Variants in RSF1 observed in about 807,000 individuals in gnomAD.
The protein encoded by RSF1 is HBV pX-associated protein 8.
RSF1 carries 13 observed loss-of-function variants against 145.2 expected under a neutral mutation model. That is an observed-to-expected ratio of 0.09 (90% CI 0.06 to 0.14). The LOEUF (loss-of-function observed/expected upper bound fraction) is 0.14. Among genes scored for constraint, RSF1 ranks in the 10% least tolerant of loss-of-function variants. The pLI, the probability that RSF1 is intolerant of heterozygous loss-of-function variation, is 1.00. For synonymous variants in RSF1, 577 were observed against 592.6 expected, an observed-to-expected ratio of 0.97 and a Z score of 0.38; for missense variants, 1,517 against 1,718.2, an observed-to-expected ratio of 0.88 and a Z score of 2.07.
At chr11:77,803,833 G>A (rs942319602) in intron 1 of RSF1, among the ~76,000 whole-genome samples, 13 of 150,928 alleles carry the variant, frequency 8.6e-5, no homozygotes, top group African/African-American at 1.5e-4. Context: ...TAATCCTAGC[G>A]CTTTGGGAGG....
rs1035775156 is a variant in RSF1, at chr11:77,753,695, C to T, written c.280-6567G>A. On this transcript the variant is annotated intron_variant, in intron 2 of 15. Coordinates refer to ENST00000308488, the MANE Select transcript of RSF1 (RefSeq NM_016578.4). The stretch of plus-strand genomic sequence containing the variant: ...CCCACAGAAGCCAAAAGATTGGACT[C>T]CCCTGGTAGAGGTAAAGGATTGCCA... Among the ~76,000 whole-genome samples, 4 of 152,340 alleles carry T rather than the reference C, an allele frequency of 2.6e-5. No individual in the cohort carries two copies. In the East Asian group the frequency reaches 7.7e-4, roughly 29 times the overall value.
chr11:77,828,755 A>G, the RSF1 span, among the ~76,000 whole-genome samples: 2 of 152,184 alleles, frequency 1.3e-5, no homozygotes, highest in African/African-American at 4.8e-5. Context: ...ACACATATTC[A>G]TGGATTGGAA....
At chr11:77,858,765 CA>C in the RSF1 span, among the ~76,000 whole-genome samples, 7 of 152,178 alleles carry the variant, frequency 4.6e-5, no homozygotes, top group South Asian at 6.2e-4. Context: ...ATGTCATTAA[CA>C]TCAGAGCATG....
chr11:77,750,168 C>T (rs1948046963), intron 2 of RSF1, among the ~76,000 whole-genome samples: 1 of 150,316 alleles, frequency 6.7e-6, no homozygotes, highest in East Asian at 1.9e-4. Flanking sequence ...ACAAAATGAA[C>T]ACTGCAAATA....
chr11:77,792,228 T>C lies in RSF1; in HGVS notation c.188-27539A>G, dbSNP rs546321032. 3.9e-5 allele frequency among the ~76,000 whole-genome samples: 6 copies of C among 152,278 alleles called. No homozygotes were observed. The South Asian group carries it at 1.2e-3, about 32-fold the overall frequency. ...CAGATCTCATGAGACTTACTCATTA[T>C]CACGAGGACAGCACCAGAAAGACCT... On this transcript the variant is annotated intron_variant, in intron 1 of 15. Coordinates refer to ENST00000308488, the MANE Select transcript of RSF1 (RefSeq NM_016578.4).
intron 1 of RSF1, among the ~76,000 whole-genome samples, chr11:77,803,654 C>G (rs1232932052): frequency 6.6e-6 from 1 of 151,840 alleles, no homozygotes; most frequent in African/African-American, 2.4e-5. Flanking sequence ...TGGTGCGCAC[C>G]TGTAATCCCA....
At chr11:77,826,184 A>C in the RSF1 span, among the ~76,000 whole-genome samples, 1 of 152,112 alleles carries the variant, frequency 6.6e-6, no homozygotes, top group Non-Finnish European at 1.5e-5. Context: ...CAACATGGTG[A>C]AACTTCGTCT....
chr11:77,764,519 T>C (rs780989614), intron 2 of RSF1, 79 bp downstream of exon 2: 2 of 811,096 alleles, frequency 2.5e-6, no homozygotes, highest in Admixed American at 2.3e-5. Context: ...AAAAATTATG[T>C]GTATTATAAA....
chr11:77,669,336 C>A (rs1256606206), intron 15 of RSF1, among the ~76,000 whole-genome samples: 1 of 152,126 alleles, frequency 6.6e-6, no homozygotes, highest in African/African-American at 2.4e-5. Flanking sequence ...GCTACCACAG[C>A]AAATTAAAAT....
At chr11:77,703,452 C>G (rs911787279) in intron 5 of RSF1, 2 of 152,108 alleles carry the variant, frequency 1.3e-5, no homozygotes, top group Non-Finnish European at 2.9e-5. Context: ...TACTGAAAAA[C>G]CTAATTCTAA....
chr11:77,788,152 A>G (rs1948477803), intron 1 of RSF1, among the ~76,000 whole-genome samples: 1 of 126,426 alleles, frequency 7.9e-6, no homozygotes, highest in Non-Finnish European at 1.6e-5. Context: ...CAAAAAAAAA[A>G]AAAAAAAAAA....
chr11:77,743,719 C>T (rs983822729), intron 3 of RSF1, among the ~76,000 whole-genome samples: 1 of 152,010 alleles, frequency 6.6e-6, no homozygotes, highest in Non-Finnish European at 1.5e-5. Context: ...CTTTTTGTAC[C>T]TAACTGTTCT....
chr11:77,693,624 C>T lies in RSF1; in HGVS notation c.2716-13G>A, dbSNP rs979303889. Reference sequence around the variant, plus strand: ...CACACAGAAGAATCTGAAATAACCACACTGATGTCAACCTAACTATGACTA... The same window carrying T: ...CACACAGAAGAATCTGAAATAACCATACTGATGTCAACCTAACTATGACTA... On this transcript the variant is annotated splice_polypyrimidine_tract_variant and intron_variant, in intron 7 of 15. Coordinates refer to ENST00000308488, the MANE Select transcript of RSF1 (RefSeq NM_016578.4). The T allele has an allele frequency of 6.3e-7, 1 of 1,585,648 alleles. No individual in the cohort carries two copies. Among genetic ancestry groups the T allele is most frequent in the Middle Eastern group, 1.7e-4 (1 of 6,004 alleles).
At chr11:77,755,919 T>A (rs1948111211) in intron 2 of RSF1, among the ~76,000 whole-genome samples, 1 of 152,172 alleles carries the variant, frequency 6.6e-6, no homozygotes, top group East Asian at 1.9e-4. Flanking sequence ...CTCATATTCA[T>A]ATCCCTTGAC....
the RSF1 span, chr11:77,829,516 G>C: frequency 6.6e-6 from 1 of 152,162 alleles, no homozygotes; most frequent in African/African-American, 2.4e-5. Flanking sequence ...GGAAAGAATA[G>C]TTTTTGCAAC....
intron 4 of RSF1, among the ~76,000 whole-genome samples, chr11:77,736,785 A>G (rs564280714): frequency 6.6e-6 from 1 of 152,316 alleles, no homozygotes; most frequent in Middle Eastern, 3.4e-3. Flanking sequence ...TCTATTCTTT[A>G]CAAGTTGAGG....
intron 11 of RSF1, among the ~76,000 whole-genome samples, chr11:77,679,000 A>C (rs1300607851): frequency 2.0e-5 from 3 of 152,210 alleles, no homozygotes; most frequent in Non-Finnish European, 4.4e-5. Context: ...TGTCAGCAAA[A>C]ATTTTTATAA....
At chr11:77,809,312 C>CAGGCATTTA (rs1948709006) in intron 1 of RSF1, among the ~76,000 whole-genome samples, 1 of 152,166 alleles carries the variant, frequency 6.6e-6, no homozygotes, top group Non-Finnish European at 1.5e-5. Flanking sequence ...AGTACTACTA[C>CAGGCATTTA]AGGCATTTAA....
intron 1 of RSF1, among the ~76,000 whole-genome samples, chr11:77,820,048 G>A (rs576179963): frequency 6.6e-6 from 1 of 152,318 alleles, no homozygotes; most frequent in East Asian, 1.9e-4. Flanking sequence ...AGATAAGGAG[G>A]TGTCCGGAGC....
Sources: gnomAD v4.1 joint callset for allele counts (sites outside exome capture counted in the v4.1 genomes callset) on GRCh38, gnomAD v4.1.1 for gene constraint, MANE v1.5 for transcripts, NCBI Gene and HGNC (gene_info 2026-07-23, HGNC 2026-07-21) for gene names.